Variants in GRM5 observed in about 807,000 individuals in gnomAD.
GRM5 encodes the protein metabotropic glutamate receptor 5.
GRM5 carries 19 observed loss-of-function variants against 83.1 expected under a neutral mutation model. The ratio of observed to expected loss-of-function variants is 0.23; its 90% confidence interval spans 0.16 to 0.34. The LOEUF (loss-of-function observed/expected upper bound fraction) is 0.34, where lower values mean the gene tolerates loss of function less well. GRM5 is among the 10% of genes least tolerant of loss of function. The pLI is 1.00. For synonymous variants in GRM5, 675 were observed against 633.6 expected, an observed-to-expected ratio of 1.07 and a Z score of -0.98; for missense variants, 1,160 against 1,588.3, an observed-to-expected ratio of 0.73 and a Z score of 4.58.
rs113345768 is a variant in GRM5 at position 88,545,348 on chromosome 11, T to C, written c.2631-19944A>G. 2.2e-3 allele frequency among the ~76,000 whole-genome samples: 341 copies of C among 152,272 alleles called. 4 individuals are homozygous for C. Among genetic ancestry groups the C allele is most frequent in the African/African-American group, 7.8e-3 (325 of 41,558 alleles). On this transcript the variant is annotated intron_variant, in intron 8 of 9. Coordinates refer to ENST00000305447, the MANE Select transcript of GRM5 (RefSeq NM_001143831.3). ...TGTCTCTTAGAAATTTTAAATTTAA[T>C]AGTTCCAAAAACAAACACATATTTC...
chr11:88,867,577 C>A (rs1365741291), intron 2 of GRM5, among the ~76,000 whole-genome samples: 1 of 151,548 alleles, frequency 6.6e-6, no homozygotes. Context: ...AATCCTAACC[C>A]CAAGTACCTC....
rs1332711901 is a variant in GRM5, at chr11:88,509,238, T to C, written c.2993A>G (p.Lys998Arg). The stretch of plus-strand genomic sequence containing the variant: ...AGCCTCGGCCACATCATACAGCGCC[T>C]TGGGGCCGGCGTCTGGGGACTCGGG... ...GGPESPDAGP[K>R]ALYDVAEAEE... Residue 998 changes from lysine (K) to arginine (R), a missense_variant, in exon 10 of 10, where the codon AAG (lysine) becomes AGG (arginine). Transcript: ENST00000305447. 1.3e-6 allele frequency: 2 copies of C among 1,501,490 alleles called. No individual in the cohort carries two copies. The highest frequency in any genetic ancestry group is 1.8e-6 in the Non-Finnish European group (2 of 1,128,130). 93.0% of individuals were successfully genotyped at this position (1,501,490 alleles called of 1,614,324 possible). A position where few individuals can be genotyped will look rare whatever the true frequency, so the allele number is the denominator to read the frequency against.
chr11:88,619,677 C>T (rs767320599), intron 4 of GRM5, among the ~76,000 whole-genome samples: 15 of 152,094 alleles, frequency 9.9e-5, no homozygotes, highest in Non-Finnish European at 2.1e-4. Context: ...CATGACCATA[C>T]AATAATAAAA....
chr11:88,762,478 G>A (rs1942542206), intron 3 of GRM5, among the ~76,000 whole-genome samples: 1 of 145,664 alleles, frequency 6.9e-6, no homozygotes, highest in South Asian at 2.1e-4. Context: ...AAACCACAAT[G>A]AGATACCATC....
Position 88,790,762 on chromosome 11 carries a change from C to T in GRM5, c.911+59144G>A, listed in dbSNP as rs144517709. On this transcript the variant is annotated intron_variant, in intron 3 of 9. Transcript: ENST00000305447. ...TGAAAGTAGGAAATATCACGATATA[C>T]TGTAGTTTGGAAAGGTAAATCTGGA... 3.9e-5 allele frequency among the ~76,000 whole-genome samples: 6 copies of T among 152,138 alleles called. 1 individual carries two copies. Among genetic ancestry groups the T allele is most frequent in the Admixed American group, 3.9e-4 (6 of 15,246 alleles).
intron 3 of GRM5, among the ~76,000 whole-genome samples, chr11:88,746,372 T>C (rs749300994): frequency 3.9e-5 from 6 of 152,154 alleles, no homozygotes; most frequent in East Asian, 1.9e-4. Context: ...TGGGCAATAA[T>C]ATGCTTGACA....
chr11:88,634,167 T>C (rs1939055932), intron 4 of GRM5, among the ~76,000 whole-genome samples: 1 of 152,144 alleles, frequency 6.6e-6, no homozygotes, highest in Admixed American at 6.6e-5. Flanking sequence ...GGACTGGAAG[T>C]TGTTCTGGGC....
At chr11:88,983,887 G>A (rs1238348306) in intron 2 of GRM5, among the ~76,000 whole-genome samples, 2 of 151,896 alleles carry the variant, frequency 1.3e-5, no homozygotes, top group Non-Finnish European at 2.9e-5. Context: ...ATTCTTTGTA[G>A]ACCGAAGCTA....
chr11:88,859,274 G>C (rs1462833016), intron 2 of GRM5, among the ~76,000 whole-genome samples: 2 of 152,018 alleles, frequency 1.3e-5, no homozygotes, highest in East Asian at 3.9e-4. Context: ...GTGGTGATTA[G>C]AAGAGAATCT....
intron 3 of GRM5, among the ~76,000 whole-genome samples, chr11:88,690,835 A>G (rs1291649461): frequency 6.6e-6 from 1 of 152,224 alleles, no homozygotes; most frequent in Admixed American, 6.5e-5. Context: ...TTAAAAGGAA[A>G]TTCTATAATT....
intron 8 of GRM5, 128 bp from the exon 9 acceptor site, chr11:88,525,532 A>G (rs1941851952): frequency 6.1e-6 from 4 of 659,826 alleles, no homozygotes; most frequent in African/African-American, 1.8e-5. Flanking sequence ...CTGCTTCTCA[A>G]TGCAATGACC....
intron 2 of GRM5, among the ~76,000 whole-genome samples, chr11:88,963,717 C>A (rs542193506): frequency 6.6e-6 from 1 of 152,128 alleles, no homozygotes. Context: ...TGGTATGTGA[C>A]CCTTTATTCT....
chr11:89,000,427 T>C (rs1192375996), intron 2 of GRM5, among the ~76,000 whole-genome samples: 1 of 152,134 alleles, frequency 6.6e-6, no homozygotes, highest in South Asian at 2.1e-4. Flanking sequence ...TATGCCCAAC[T>C]GATTTTTGAC....
At chr11:88,954,067 G>A (rs1332465578) in intron 2 of GRM5, among the ~76,000 whole-genome samples, 2 of 152,282 alleles carry the variant, frequency 1.3e-5, no homozygotes, top group Admixed American at 1.3e-4. Context: ...TCAACCTGCT[G>A]TTCTCCTTTC....
rs989796771 is a variant in GRM5, at chr11:88,550,130, G to A, written c.2630+16923C>T. On this transcript the variant is annotated intron_variant, in intron 8 of 9. Transcript: ENST00000305447. ...CAGAGAAGAAATAGAAGAAGAAGAA[G>A]AAACTTCAATCAAGGTCTGGAGAAG... 2.0e-5 allele frequency among the ~76,000 whole-genome samples: 3 copies of A among 152,056 alleles called. No homozygotes were observed. In the South Asian group the frequency reaches 6.2e-4, roughly 32 times the overall value.
intron 3 of GRM5, among the ~76,000 whole-genome samples, chr11:88,716,173 C>T (rs1941396380): frequency 6.6e-6 from 1 of 151,930 alleles, no homozygotes; most frequent in Admixed American, 6.6e-5. Context: ...AGCACCAGCC[C>T]AAATTCTAAA....
At chr11:88,757,204 C>T (rs1942412278) in intron 3 of GRM5, among the ~76,000 whole-genome samples, 1 of 152,162 alleles carries the variant, frequency 6.6e-6, no homozygotes, top group Non-Finnish European at 1.5e-5. Flanking sequence ...GCAAAAATGT[C>T]CTTTGAAAGT....
At chr11:88,659,521 TTA>T (rs1254339337) in intron 3 of GRM5, among the ~76,000 whole-genome samples, 1 of 152,202 alleles carries the variant, frequency 6.6e-6, no homozygotes, top group Non-Finnish European at 1.5e-5. Flanking sequence ...AAAATGGTAA[TTA>T]TACATCTGTA....
chr11:88,571,795 G>A (rs1036199855), intron 7 of GRM5, among the ~76,000 whole-genome samples: 2 of 152,004 alleles, frequency 1.3e-5, no homozygotes, highest in African/African-American at 4.8e-5. Context: ...TCATCTCAAG[G>A]GCAGGACTGG....
Sources: gnomAD v4.1 joint callset for allele counts (sites outside exome capture counted in the v4.1 genomes callset) on GRCh38, gnomAD v4.1.1 for gene constraint, MANE v1.5 for transcripts, NCBI Gene and HGNC (gene_info 2026-07-23, HGNC 2026-07-21) for gene names.